The following TAFA2 variants were observed in gnomAD, a reference collection of about 807,000 sequenced individuals.
TAFA2 encodes the protein TAFA chemokine like family member 2, also known as chemokine-like protein TAFA-2.
A neutral mutation model predicts 18.8 loss-of-function variants in TAFA2; 7 were observed. The ratio of observed to expected loss-of-function variants is 0.37; its 90% CI spans 0.21 to 0.70. The LOEUF (loss-of-function observed/expected upper bound fraction) is 0.70, where lower values mean the gene tolerates loss of function less well. Ranked by LOEUF, TAFA2 falls within the 30% of genes least tolerant of loss-of-function variation. The pLI is 0.53. For synonymous variants in TAFA2, 60 were observed against 54.2 expected (o/e 1.11, Z -0.47); for missense variants, 122 against 158.1 (o/e 0.77, Z 1.23).
intron 1 of TAFA2, among the ~76,000 whole-genome samples, chr12:62,125,319 A>C (rs558939987): frequency 6.6e-6 from 1 of 152,268 alleles, no homozygotes; most frequent in East Asian, 1.9e-4. Context: ...TGCTCTAAGC[A>C]CAGCTCTTCT....
chr12:61,998,718 T>C lies in TAFA2; in HGVS notation c.-1-131292A>G, dbSNP rs1357409985. Among the ~76,000 whole-genome samples, 5 of 152,302 alleles carry C rather than the reference T, an allele frequency of 3.3e-5. No individual in the cohort carries two copies. The East Asian group carries it at 9.6e-4, about 29-fold the overall frequency. On this transcript the variant is annotated intron_variant, in intron 1 of 4. Coordinates refer to ENST00000416284, the MANE Select transcript of TAFA2 (RefSeq NM_178539.5). ...GTAAATATCACCTTGTAATGTACTA[T>C]ACAGATGGTAGCTTGGTTCAGAAGA...
intron 1 of TAFA2, among the ~76,000 whole-genome samples, chr12:62,032,175 C>G (rs1881477035): frequency 6.6e-6 from 1 of 152,128 alleles, no homozygotes; most frequent in Non-Finnish European, 1.5e-5. Flanking sequence ...GCAAACATCT[C>G]TCTTGGCAAT....
intron 1 of TAFA2, among the ~76,000 whole-genome samples, chr12:62,229,676 T>G (rs1487376780): frequency 6.6e-6 from 1 of 152,158 alleles, no homozygotes; most frequent in Non-Finnish European, 1.5e-5. Flanking sequence ...ATTTTCTTTT[T>G]TTTTTAATTG....
intron 1 of TAFA2, among the ~76,000 whole-genome samples, chr12:62,015,970 G>A (rs1880923976): frequency 6.6e-6 from 1 of 152,136 alleles, no homozygotes. Context: ...ATGGATGATG[G>A]TAATGGTTGC....
intron 2 of TAFA2, among the ~76,000 whole-genome samples, chr12:61,847,175 TCTG>T (rs1873442734): frequency 6.6e-6 from 1 of 152,228 alleles, no homozygotes; most frequent in African/African-American, 2.4e-5. Flanking sequence ...TATTATCTCT[TCTG>T]CTGTTGTGAT....
intron 2 of TAFA2, among the ~76,000 whole-genome samples, chr12:61,772,051 C>A (rs981654339): frequency 6.6e-6 from 1 of 151,754 alleles, no homozygotes; most frequent in Non-Finnish European, 1.5e-5. Flanking sequence ...GGAGAAAGTA[C>A]AACTGATACC....
chr12:61,738,290 A>AAC (rs369001355), intron 4 of TAFA2, among the ~76,000 whole-genome samples: 24,436 of 124,458 alleles, frequency 0.2, 2,094 homozygotes, highest in Middle Eastern at 0.24. Flanking sequence ...TGAAAATGAA[A>AAC]ACACACACAC....
At chr12:61,994,732 C>A in intron 1 of TAFA2, among the ~76,000 whole-genome samples, 1 of 152,146 alleles carries the variant, frequency 6.6e-6, no homozygotes, top group Non-Finnish European at 1.5e-5. Context: ...CAGTTGTCCA[C>A]TCAATCTCCC....
At chr12:61,920,575 T>C (rs1174873327) in intron 1 of TAFA2, among the ~76,000 whole-genome samples, 2 of 152,214 alleles carry the variant, frequency 1.3e-5, no homozygotes, top group Non-Finnish European at 2.9e-5. Flanking sequence ...TATTGTTCCT[T>C]GTTACGATGA....
At chr12:62,181,996 C>CCCG (rs1555196487) in intron 1 of TAFA2, among the ~76,000 whole-genome samples, 11 of 148,788 alleles carry the variant, frequency 7.4e-5, no homozygotes, top group African/African-American at 1.5e-4. Flanking sequence ...TCCATCCCCC[C>CCCG]CCCGCTACAC....
intron 2 of TAFA2, among the ~76,000 whole-genome samples, chr12:61,839,726 C>G (rs931456010): frequency 1.3e-5 from 2 of 151,906 alleles, no homozygotes; most frequent in African/African-American, 4.8e-5. Flanking sequence ...AGAACAATAA[C>G]ACTGGAAGGA....
intron 1 of TAFA2, among the ~76,000 whole-genome samples, chr12:62,100,138 T>TACACACACACAC (rs373455310): frequency 1.2e-4 from 18 of 145,674 alleles, no homozygotes; most frequent in Admixed American, 2.8e-4. Flanking sequence ...CAACTCCCTC[T>TACACACACACAC]ACACACACAC....
At chr12:62,244,650 T>C (rs1451427502) in intron 1 of TAFA2, among the ~76,000 whole-genome samples, 5 of 152,140 alleles carry the variant, frequency 3.3e-5, no homozygotes, top group Admixed American at 2.6e-4. Context: ...AAACACCAAA[T>C]TGTCCCCCAA....
chr12:61,929,540 T>C (rs958306793), intron 1 of TAFA2, among the ~76,000 whole-genome samples: 6 of 151,890 alleles, frequency 4.0e-5, no homozygotes, highest in African/African-American at 7.3e-5. Flanking sequence ...AATAGGAACG[T>C]TTTTACACTG....
chr12:61,722,454 C>T (rs556802760), intron 4 of TAFA2, among the ~76,000 whole-genome samples: 4 of 152,038 alleles, frequency 2.6e-5, no homozygotes, highest in African/African-American at 9.7e-5. Flanking sequence ...TATATCAAAG[C>T]CAACACAGTT....
intron 1 of TAFA2, among the ~76,000 whole-genome samples, chr12:62,017,979 G>A (rs1327894574): frequency 6.6e-6 from 1 of 152,120 alleles, no homozygotes; most frequent in Non-Finnish European, 1.5e-5. Context: ...TCAATTCCTA[G>A]TGAGATTTCC....
chr12:61,885,227 C>T (rs1406293297), intron 1 of TAFA2, among the ~76,000 whole-genome samples: 1 of 152,208 alleles, frequency 6.6e-6, no homozygotes, highest in Non-Finnish European at 1.5e-5. Context: ...GATTACAAAT[C>T]TCTTGTTCCT....
chr12:61,813,401 T>C (rs1472211697), intron 2 of TAFA2, among the ~76,000 whole-genome samples: 1 of 151,348 alleles, frequency 6.6e-6, no homozygotes, highest in Non-Finnish European at 1.5e-5. Context: ...CTTTTTTCTG[T>C]CATATATACT....
intron 1 of TAFA2, among the ~76,000 whole-genome samples, chr12:61,961,295 G>A (rs1474034696): frequency 6.6e-6 from 1 of 151,852 alleles, no homozygotes; most frequent in Non-Finnish European, 1.5e-5. Flanking sequence ...ATCACAATTT[G>A]GACATGAGAT....
Sources: gnomAD v4.1 joint callset for allele counts (sites outside exome capture counted in the v4.1 genomes callset) on GRCh38, gnomAD v4.1.1 for gene constraint, MANE v1.5 for transcripts, NCBI Gene and HGNC (gene_info 2026-07-23, HGNC 2026-07-21) for gene names.